Variants in NYAP2 observed in about 807,000 individuals in gnomAD.
NYAP2 encodes neuronal tyrosine-phosphorylated phosphoinositide-3-kinase adaptor 2.
In NYAP2, 23 loss-of-function variants were observed where a neutral mutation model predicts 50.4. That is an observed-to-expected ratio of 0.46 (90% CI 0.33 to 0.65). The LOEUF (loss-of-function observed/expected upper bound fraction) is 0.65. NYAP2 is among the 30% of genes least tolerant of loss of function. The pLI, the probability that NYAP2 is intolerant of heterozygous loss-of-function variation, is 0.02. For synonymous variants in NYAP2, 394 were observed against 365.2 expected (o/e 1.08, Z -0.90); for missense variants, 885 against 861.0 (o/e 1.03, Z -0.35).
chr2:225,667,882 A>C, the NYAP2 span, among the ~76,000 whole-genome samples: 1 of 152,072 alleles, frequency 6.6e-6, no homozygotes, highest in African/African-American at 2.4e-5. Context: ...GTTTTTTAAA[A>C]TAATGTCACT....
intron 3 of NYAP2, among the ~76,000 whole-genome samples, chr2:225,435,027 T>A (rs574592635): frequency 2.0e-5 from 3 of 152,216 alleles, no homozygotes; most frequent in Admixed American, 1.3e-4. Flanking sequence ...TCCTGATATA[T>A]AAAAAGTTTA....
intron 4 of NYAP2, among the ~76,000 whole-genome samples, chr2:225,540,846 T>C (rs1039141413): frequency 1.3e-5 from 2 of 152,170 alleles, no homozygotes; most frequent in Admixed American, 6.5e-5. Flanking sequence ...ATTTTTAGTT[T>C]TTTGAGAAAT....
chr2:225,573,990 A>G (rs531359536), intron 4 of NYAP2, among the ~76,000 whole-genome samples: 2 of 152,310 alleles, frequency 1.3e-5, no homozygotes, highest in South Asian at 4.1e-4. Flanking sequence ...ATCTTGAAAG[A>G]CTGTCAAACG....
intron 5 of NYAP2, among the ~76,000 whole-genome samples, chr2:225,593,478 G>GA (rs944674732): frequency 1.3e-5 from 2 of 152,032 alleles, no homozygotes; most frequent in Admixed American, 6.5e-5. Flanking sequence ...GAAACTTAAT[G>GA]AAAAAAATGT....
chr2:225,629,417 T>C (rs1180057613), intron 6 of NYAP2, among the ~76,000 whole-genome samples: 1 of 152,216 alleles, frequency 6.6e-6, no homozygotes, highest in African/African-American at 2.4e-5. Context: ...AAAAATGTTT[T>C]ACTAGCTATC....
chr2:225,435,724 G>C (rs1358987857), intron 3 of NYAP2, among the ~76,000 whole-genome samples: 1 of 151,964 alleles, frequency 6.6e-6, no homozygotes, highest in Admixed American at 6.5e-5. Context: ...ACTCTTTTTG[G>C]CTTTATTTCT....
intron 5 of NYAP2, among the ~76,000 whole-genome samples, chr2:225,594,531 T>A (rs1226256152): frequency 2.6e-5 from 4 of 151,858 alleles, no homozygotes; most frequent in East Asian, 3.9e-4. Context: ...TAAAAAAAAA[T>A]AATAAAATAA....
chr2:225,595,187 G>C (rs929974334), intron 5 of NYAP2, among the ~76,000 whole-genome samples: 13 of 152,110 alleles, frequency 8.5e-5, no homozygotes, highest in Non-Finnish European at 1.0e-4. Flanking sequence ...ATATAATAAA[G>C]ATAAGAAAGA....
chr2:225,501,886 A>G, intron 3 of NYAP2, among the ~76,000 whole-genome samples: 1 of 152,290 alleles, frequency 6.6e-6, no homozygotes, highest in East Asian at 1.9e-4. Context: ...ATCAAATCAG[A>G]GAACACACCT....
chr2:225,584,059 A>C (rs904934875), intron 5 of NYAP2, among the ~76,000 whole-genome samples: 3 of 148,682 alleles, frequency 2.0e-5, no homozygotes, highest in Non-Finnish European at 3.0e-5. Flanking sequence ...AAAAACAAAC[A>C]AAAAAAAAAC....
chr2:225,646,590 G>T (rs935628741), intron 6 of NYAP2, among the ~76,000 whole-genome samples: 2 of 152,144 alleles, frequency 1.3e-5, no homozygotes, highest in Non-Finnish European at 2.9e-5. Flanking sequence ...TTAAGCAGCA[G>T]TGTTATGGAC....
intron 3 of NYAP2, among the ~76,000 whole-genome samples, chr2:225,459,455 A>G (rs2106152830): frequency 6.6e-6 from 1 of 152,286 alleles, no homozygotes; most frequent in South Asian, 2.1e-4. Context: ...TTGAAAATAA[A>G]TATCTCCTCC....
chr2:225,475,270 T>C (rs1239509952), intron 3 of NYAP2, among the ~76,000 whole-genome samples: 1 of 152,180 alleles, frequency 6.6e-6, no homozygotes, highest in Non-Finnish European at 1.5e-5. Context: ...TTCTACACTT[T>C]TGCTAAACCA....
chr2:225,481,770 G>C (rs932472740), intron 3 of NYAP2, among the ~76,000 whole-genome samples: 1 of 152,062 alleles, frequency 6.6e-6, no homozygotes, highest in Non-Finnish European at 1.5e-5. Context: ...GGGAGGCAAG[G>C]TTCCACCCCC....
rs541128160 is a variant in NYAP2 at position 225,536,188 on chromosome 2, T to A, written c.523+22516T>A. Among the ~76,000 whole-genome samples the A allele has an allele frequency of 2.6e-5, 4 of 152,338 alleles. No individual in the cohort carries two copies. In the South Asian group the frequency reaches 8.3e-4, roughly 32 times the overall value. On this transcript the variant is annotated intron_variant, in intron 4 of 6. Transcript: ENST00000636099. Reference sequence around the variant, plus strand: ...ATCTGGGATAAAGGCTACCCCTCAGTTGAACCCCCAACCCCTTTCCAGCTG... The same window carrying A: ...ATCTGGGATAAAGGCTACCCCTCAGATGAACCCCCAACCCCTTTCCAGCTG...
chr2:225,411,698 G>A (rs1477895825), intron 3 of NYAP2, among the ~76,000 whole-genome samples: 1 of 152,102 alleles, frequency 6.6e-6, no homozygotes, highest in Non-Finnish European at 1.5e-5. Context: ...CGGTTAGTGA[G>A]AGGGGAGAAC....
Position 225,651,915 on chromosome 2 carries a change from A to T in NYAP2, c.*350A>T, listed in dbSNP as rs1018685777. The stretch of plus-strand genomic sequence containing the variant: ...TTATACTGTCTCTGAAAATTTATCA[A>T]TATTTGATAAATTTATCTACTTTGT... On this transcript the variant is annotated 3_prime_UTR_variant, in exon 7 of 7. Coordinates refer to ENST00000636099, the Ensembl canonical transcript of NYAP2. 3 of 182,232 alleles carry T rather than the reference A, an allele frequency of 1.6e-5. 1 individual carries two copies. The highest frequency in any genetic ancestry group is 4.3e-3 in the Middle Eastern group (2 of 470). 11.3% of individuals were successfully genotyped at this position (182,232 alleles called of 1,614,324 possible). A position where few individuals can be genotyped will look rare whatever the true frequency, so the allele number is the denominator to read the frequency against.
At chr2:225,601,274 C>T (rs546741194) in intron 5 of NYAP2, among the ~76,000 whole-genome samples, 53 of 152,176 alleles carry the variant, frequency 3.5e-4, no homozygotes, top group Non-Finnish European at 6.0e-4. Context: ...GCATGTGCCA[C>T]CACGACCAGC....
chr2:225,487,426 C>T (rs1690321242), intron 3 of NYAP2, among the ~76,000 whole-genome samples: 1 of 151,948 alleles, frequency 6.6e-6, no homozygotes, highest in African/African-American at 2.4e-5. Flanking sequence ...GTGGCACAAT[C>T]TTGGCTCACT....
Sources: allele counts gnomAD v4.1 joint callset (sites outside exome capture counted in the v4.1 genomes callset), GRCh38; gene constraint gnomAD v4.1.1; transcripts MANE v1.5; gene names NCBI Gene and HGNC (gene_info 2026-07-23, HGNC 2026-07-21).